The following INVS variants were observed in gnomAD, a reference collection of about 807,000 sequenced individuals.
The protein encoded by INVS is inversion of embryo turning homolog.
In INVS, 86 loss-of-function variants were observed where a neutral mutation model predicts 108.8. That is an observed-to-expected ratio of 0.79 (90% CI 0.66 to 0.95). The LOEUF (loss-of-function observed/expected upper bound fraction) is 0.95, where lower values mean the gene tolerates loss of function less well. Ranked by LOEUF, INVS falls within the 40% of genes least tolerant of loss-of-function variation. INVS has a pLI of 0.00. For missense variants in INVS, 1,169 were observed against 1,297.4 expected, an observed-to-expected ratio of 0.90 and a Z score of 1.52; for synonymous variants, 455 against 473.5, an observed-to-expected ratio of 0.96 and a Z score of 0.51.
Position 100,257,731 on chromosome 9 carries a change from C to T in INVS, c.1464+4595C>T, listed in dbSNP as rs535228084. The stretch of plus-strand genomic sequence containing the variant: ...TCTTTTCTTTAAGAATGTTGAATAT[C>T]GGCCCCCACTCTCTTCTGGCTTGTA... On this transcript the variant is annotated intron_variant, in intron 10 of 16. Transcript: ENST00000262457. Among the ~76,000 whole-genome samples, 16 of 152,262 alleles carry T rather than the reference C, an allele frequency of 1.1e-4. No individual in the cohort carries two copies. The East Asian group carries it at 1.4e-3, about 13-fold the overall frequency.
chr9:100,231,520 C>G (rs572783502), intron 5 of INVS, among the ~76,000 whole-genome samples: 9 of 150,352 alleles, frequency 6.0e-5, no homozygotes, highest in East Asian at 2.0e-4. Flanking sequence ...CCCCCACCCC[C>G]CAACAGGCCC....
chr9:100,252,688 C>T (rs1277955976), intron 9 of INVS, among the ~76,000 whole-genome samples: 1 of 152,146 alleles, frequency 6.6e-6, no homozygotes, highest in African/African-American at 2.4e-5. Flanking sequence ...GGACTGATTC[C>T]TAGCCAGTCC....
At chr9:100,273,099 G>T (rs1267078171) in intron 12 of INVS, 23 bp downstream of exon 12, 1 of 1,599,512 alleles carries the variant, frequency 6.3e-7, no homozygotes, top group Non-Finnish European at 8.6e-7. Flanking sequence ...TACGCAGATT[G>T]CGTTTTCGCC....
At position 100,302,052 on chromosome 9, in the gene INVS, T is replaced by C; in HGVS notation, c.*1378T>C. The C allele has an allele frequency of 3.8e-6, 2 of 527,360 alleles. No individual in the cohort carries two copies. Among genetic ancestry groups the C allele is most frequent in the East Asian group, 2.9e-5 (1 of 34,272 alleles). 32.7% of individuals were successfully genotyped at this position (527,360 alleles called of 1,614,324 possible). On this transcript the variant is annotated 3_prime_UTR_variant, in exon 17 of 17. Transcript: ENST00000262457. The stretch of plus-strand genomic sequence containing the variant: ...TAGGAACGCCCAAACATTATTTTCA[T>C]ATATCAGTGCAAAGAAAGAAGGTTC...
At chr9:100,278,354 T>C (rs1332394317) in intron 12 of INVS, among the ~76,000 whole-genome samples, 2 of 152,116 alleles carry the variant, frequency 1.3e-5, no homozygotes, top group Non-Finnish European at 2.9e-5. Context: ...TCCTCTCTCA[T>C]TCTTCATATG....
intron 2 of INVS, among the ~76,000 whole-genome samples, chr9:100,105,357 C>T (rs1827138729): frequency 6.6e-6 from 1 of 152,144 alleles, no homozygotes; most frequent in South Asian, 2.1e-4. Flanking sequence ...TGCAGTTTCT[C>T]CAGGAACTTC....
At chr9:100,224,371 C>G (rs1180293423) in intron 3 of INVS, among the ~76,000 whole-genome samples, 1 of 152,092 alleles carries the variant, frequency 6.6e-6, no homozygotes, top group East Asian at 1.9e-4. Context: ...TAAATAGGCA[C>G]GAAGTAGGCT....
chr9:100,268,852 C>G (rs1327866848), intron 11 of INVS, among the ~76,000 whole-genome samples: 1 of 152,068 alleles, frequency 6.6e-6, no homozygotes, highest in Admixed American at 6.6e-5. Context: ...CACACAGGTC[C>G]CCTGACTCCC....
chr9:100,175,505 C>T (rs1829683026), intron 3 of INVS: 2 of 762,730 alleles, frequency 2.6e-6, no homozygotes, highest in Non-Finnish European at 4.8e-6. Flanking sequence ...ACCTCAGCCT[C>T]CAGCAGATGC....
intron 5 of INVS, among the ~76,000 whole-genome samples, chr9:100,237,531 G>A (rs1226251790): frequency 2.6e-5 from 4 of 152,256 alleles, no homozygotes; most frequent in East Asian, 1.9e-4. Flanking sequence ...TCTAAAAACC[G>A]TGAAAAAAGT....
chr9:100,164,781 C>T (rs1422068014), intron 3 of INVS, among the ~76,000 whole-genome samples: 1 of 151,930 alleles, frequency 6.6e-6, no homozygotes, highest in African/African-American at 2.4e-5. Flanking sequence ...TGTTTATTTA[C>T]ACATGTTTGA....
At chr9:100,258,386 T>A (rs1376564904) in intron 10 of INVS, among the ~76,000 whole-genome samples, 2 of 152,224 alleles carry the variant, frequency 1.3e-5, no homozygotes, top group East Asian at 1.9e-4. Flanking sequence ...TAATTACCGA[T>A]CGTCTGAAGC....
chr9:100,202,256 T>G (rs1830554850), intron 3 of INVS, among the ~76,000 whole-genome samples: 1 of 152,186 alleles, frequency 6.6e-6, no homozygotes, highest in South Asian at 2.1e-4. Context: ...TATTAAAATC[T>G]TTCCTGCCTA....
At chr9:100,275,906 T>C (rs1833096843) in intron 12 of INVS, among the ~76,000 whole-genome samples, 1 of 152,196 alleles carries the variant, frequency 6.6e-6, no homozygotes, top group Non-Finnish European at 1.5e-5. Flanking sequence ...ATTACTATAA[T>C]TTACCTGCCA....
chr9:100,252,938 T>C lies in INVS; in HGVS notation c.1266T>C (p.Asp422=), dbSNP rs1832285263. The part of the protein sequence containing the change: ...GGARVDLVDQ[D]GHSLLHWAAL... ...CAAGGGTAGATCTAGTTGACCAAGATGGACATTCTCTTCTACATTGGGCAG... is the reference window on the plus strand; with the variant it reads ...CAAGGGTAGATCTAGTTGACCAAGACGGACATTCTCTTCTACATTGGGCAG... Residue 422 remains aspartate, a synonymous_variant, in exon 10 of 17, where the codon GAT becomes GAC. Coordinates refer to ENST00000262457, the MANE Select transcript of INVS (RefSeq NM_014425.5). 7 of 1,613,832 alleles carry C rather than the reference T, an allele frequency of 4.3e-6. No homozygotes were observed. In the East Asian group the frequency reaches 1.1e-4, roughly 26 times the overall value.
At chr9:100,156,257 C>CTTTTT (rs931919205) in intron 3 of INVS, among the ~76,000 whole-genome samples, 3 of 124,720 alleles carry the variant, frequency 2.4e-5, no homozygotes, top group African/African-American at 6.5e-5. Flanking sequence ...GTTAGGAATA[C>CTTTTT]TTTTTTTTTT....
chr9:100,115,882 C>T (rs1419125421), intron 2 of INVS, among the ~76,000 whole-genome samples: 1 of 152,158 alleles, frequency 6.6e-6, no homozygotes, highest in African/African-American at 2.4e-5. Flanking sequence ...CTGTCTTCCA[C>T]AATGGTTGAA....
intron 2 of INVS, among the ~76,000 whole-genome samples, chr9:100,121,106 CA>C (rs1827715428): frequency 6.6e-6 from 1 of 152,106 alleles, no homozygotes; most frequent in Admixed American, 6.5e-5. Context: ...TTTGCTTCTC[CA>C]AGGCCAGCAG....
intron 16 of INVS, among the ~76,000 whole-genome samples, chr9:100,299,677 CA>C: frequency 1.0e-5 from 1 of 97,832 alleles, no homozygotes; most frequent in South Asian, 3.9e-4. Context: ...CACACACACA[CA>C]CACCTGGGCC....
Sources: gnomAD v4.1 joint callset for allele counts (sites outside exome capture counted in the v4.1 genomes callset) on GRCh38, gnomAD v4.1.1 for gene constraint, MANE v1.5 for transcripts, NCBI Gene and HGNC (gene_info 2026-07-23, HGNC 2026-07-21) for gene names.